Variants in FBXO15 observed in about 807,000 individuals in gnomAD.
FBXO15 encodes F-box protein 15, also known as F-box only protein 15.
Under a neutral mutation model 49.5 loss-of-function variants are expected in FBXO15, and 30 were observed. That is an observed-to-expected ratio of 0.61 (90% CI 0.45 to 0.82). The LOEUF (loss-of-function observed/expected upper bound fraction) is 0.82. FBXO15 is among the 40% of genes least tolerant of loss of function. The probability of loss-of-function intolerance (pLI) is 0.00; values close to 1 mark genes in which losing one functional copy is unlikely to be tolerated. For synonymous variants in FBXO15, 250 were observed against 232.7 expected, an observed-to-expected ratio of 1.07 and a Z score of -0.68; for missense variants, 591 against 631.5, an observed-to-expected ratio of 0.94 and a Z score of 0.69.
chr18:74,123,659 A>T (rs774737005), intron 7 of FBXO15, 149 bp from the exon 8 acceptor site: 41 of 869,240 alleles, frequency 4.7e-5, no homozygotes, highest in Non-Finnish European at 6.8e-5. Flanking sequence ...AATCTTCAAT[A>T]CTGTGAACTT....
intron 8 of FBXO15, among the ~76,000 whole-genome samples, chr18:74,091,277 T>G (rs1485342549): frequency 1.3e-5 from 2 of 152,198 alleles, no homozygotes; most frequent in Non-Finnish European, 2.9e-5. Context: ...CCCTTGAGTC[T>G]ATAGGTGTCA....
chr18:74,073,431 T>C lies in FBXO15; in HGVS notation c.*30A>G. 6.3e-7 allele frequency: 1 copy of C among 1,597,152 alleles called. No homozygotes were observed. The highest frequency in any genetic ancestry group is 1.1e-5 in the South Asian group (1 of 87,858). ...ACAAAGCCAGTCAAAAATAAACAAC[T>C]AAATAACAACAATAATTTGCCACCT... is the stretch of plus-strand genomic sequence containing the variant. On this transcript the variant is annotated 3_prime_UTR_variant, in exon 10 of 10. Transcript: ENST00000419743.
chr18:74,101,502 AT>A (rs2145146312), intron 8 of FBXO15, among the ~76,000 whole-genome samples: 1 of 152,298 alleles, frequency 6.6e-6, no homozygotes, highest in East Asian at 1.9e-4. Context: ...ATGCTCATGG[AT>A]GGGTAGAATT....
intron 8 of FBXO15, among the ~76,000 whole-genome samples, chr18:74,096,842 G>C (rs1913299410): frequency 6.6e-6 from 1 of 152,112 alleles, no homozygotes; most frequent in Non-Finnish European, 1.5e-5. Flanking sequence ...AAAAGACACA[G>C]ACCCTCTGAA....
chr18:74,140,401 A>T (rs1978995353), intron 1 of FBXO15, 89 bp from the exon 2 acceptor site: 1 of 1,189,500 alleles, frequency 8.4e-7, no homozygotes, highest in African/African-American at 1.6e-5. Flanking sequence ...AAGGATTCAT[A>T]AACTCCAAAG....
In FBXO15 at chr18:74,147,817, AG is replaced by A. The variant is rs772359025; in HGVS notation, c.-33del. On this transcript the variant is annotated 5_prime_UTR_variant, in exon 1 of 10. Coordinates refer to ENST00000419743, the MANE Select transcript of FBXO15 (RefSeq NM_001142958.2). ...AAGGAGTTCACCACAGGACCGCGCC[AG>A]GGCTGAAACGAAGAGTGCACGCACC... The A allele has an allele frequency of 8.8e-5, 130 of 1,485,584 alleles. 2 individuals carry two copies. In the East Asian group the frequency reaches 2.9e-3, roughly 33 times the overall value. The allele number at this position is 1,485,584 out of a possible 1,614,324, so 92.0% of individuals were successfully genotyped here.
chr18:74,122,044 A>C (rs1298259341), intron 8 of FBXO15, among the ~76,000 whole-genome samples: 1 of 152,164 alleles, frequency 6.6e-6, no homozygotes, highest in African/African-American at 2.4e-5. Flanking sequence ...AATTCCCACC[A>C]CATGTTTCAT....
intron 8 of FBXO15, among the ~76,000 whole-genome samples, chr18:74,090,401 C>T (rs967742497): frequency 9.2e-5 from 14 of 152,166 alleles, no homozygotes; most frequent in Admixed American, 2.6e-4. Context: ...ATCTCAATTT[C>T]CTTTAGTTCA....
At chr18:74,115,044 T>C (rs551175255) in intron 8 of FBXO15, among the ~76,000 whole-genome samples, 72 of 152,294 alleles carry the variant, frequency 4.7e-4, no homozygotes, top group African/African-American at 1.7e-3. Flanking sequence ...CAATATTTTA[T>C]GGAATTAGAG....
At chr18:74,144,695 C>T (rs920888981) in intron 1 of FBXO15, among the ~76,000 whole-genome samples, 2 of 152,118 alleles carry the variant, frequency 1.3e-5, no homozygotes, top group African/African-American at 4.8e-5. Flanking sequence ...ATATTATTTA[C>T]CAGTTAAATT....
chr18:74,096,629 T>C (rs1467794565), intron 8 of FBXO15, among the ~76,000 whole-genome samples: 2 of 146,426 alleles, frequency 1.4e-5, no homozygotes, highest in Non-Finnish European at 3.0e-5. Context: ...CAGGGAGCCA[T>C]AATCTCCCAA....
intron 5 of FBXO15, among the ~76,000 whole-genome samples, chr18:74,126,925 G>A (rs966183721): frequency 6.6e-6 from 1 of 152,226 alleles, no homozygotes; most frequent in Admixed American, 6.5e-5. Context: ...ACTGGGTAAG[G>A]AGAGACGGTC....
intron 3 of FBXO15, among the ~76,000 whole-genome samples, chr18:74,135,166 T>TTCCTA (rs1599186345): frequency 6.6e-6 from 1 of 152,116 alleles, no homozygotes; most frequent in East Asian, 1.9e-4. Context: ...ATCCACCCCC[T>TTCCTA]GCAAGACCAG....
intron 8 of FBXO15, among the ~76,000 whole-genome samples, chr18:74,112,163 A>G (rs1161143642): frequency 6.6e-6 from 1 of 152,224 alleles, no homozygotes; most frequent in Non-Finnish European, 1.5e-5. Context: ...GATAGAAGCA[A>G]AGGGAATACT....
At chr18:74,104,416 G>A (rs1412207143) in intron 8 of FBXO15, among the ~76,000 whole-genome samples, 2 of 152,110 alleles carry the variant, frequency 1.3e-5, no homozygotes, top group Non-Finnish European at 2.9e-5. Flanking sequence ...AGTGGCAGTA[G>A]TAAGTGTTTC....
At chr18:74,080,860 TTTTAAAAA>T (rs1371557050) in intron 9 of FBXO15, among the ~76,000 whole-genome samples, 1 of 152,228 alleles carries the variant, frequency 6.6e-6, no homozygotes, top group Non-Finnish European at 1.5e-5. Flanking sequence ...AACAAATTAT[TTTTAAAAA>T]TTATGCTGAC....
chr18:74,110,561 T>C (rs1321397910), intron 8 of FBXO15, among the ~76,000 whole-genome samples: 1 of 151,562 alleles, frequency 6.6e-6, no homozygotes, highest in Non-Finnish European at 1.5e-5. Context: ...TCCAACTATA[T>C]CGATAATAAC....
intron 8 of FBXO15, among the ~76,000 whole-genome samples, chr18:74,111,002 A>G (rs148801245): frequency 8.5e-5 from 13 of 152,366 alleles, no homozygotes; most frequent in Non-Finnish European, 1.8e-4. Context: ...TGACAGATCC[A>G]GCAGGCAGAA....
intron 8 of FBXO15, among the ~76,000 whole-genome samples, chr18:74,103,617 G>A (rs142109359): frequency 2.0e-5 from 3 of 152,052 alleles, no homozygotes; most frequent in Non-Finnish European, 4.4e-5. Context: ...GATCCTAAAA[G>A]CAGCAAGAGA....
Sources: gnomAD v4.1 joint callset for allele counts (sites outside exome capture counted in the v4.1 genomes callset) on GRCh38, gnomAD v4.1.1 for gene constraint, MANE v1.5 for transcripts, NCBI Gene and HGNC (gene_info 2026-07-23, HGNC 2026-07-21) for gene names.